Variants in RANBP2 observed in about 807,000 individuals in gnomAD.
The protein encoded by RANBP2 is RAN binding protein 2, also known as E3 SUMO-protein ligase RanBP2.
In RANBP2, 57 loss-of-function variants were observed where a neutral mutation model predicts 303.6. The observed-to-expected ratio is 0.19, with a 90% CI of 0.15 to 0.23. RANBP2 has a LOEUF of 0.23. Among genes scored for constraint, RANBP2 ranks in the 10% least tolerant of loss-of-function variants. RANBP2 has a pLI of 1.00. For synonymous variants in RANBP2, 1,167 were observed against 1,301.5 expected, an observed-to-expected ratio of 0.90 and a Z score of 2.23; for missense variants, 3,138 against 3,780.8, an observed-to-expected ratio of 0.83 and a Z score of 4.46.
chr2:108,881,806 A>C, the RANBP2 span, among the ~76,000 whole-genome samples: 1 of 152,204 alleles, frequency 6.6e-6, no homozygotes, highest in Non-Finnish European at 1.5e-5. Flanking sequence ...GCTGTCTTAC[A>C]TGGGTGTGGT....
chr2:109,245,820 TG>T, the RANBP2 span, among the ~76,000 whole-genome samples: 2 of 152,240 alleles, frequency 1.3e-5, no homozygotes, highest in Admixed American at 6.5e-5. Context: ...CAGATCTTTA[TG>T]GAGTTTGTAA....
the RANBP2 span, among the ~76,000 whole-genome samples, chr2:109,556,934 C>T: frequency 1.3e-5 from 2 of 152,046 alleles, no homozygotes; most frequent in African/African-American, 4.8e-5. Flanking sequence ...AAAAACCAAA[C>T]ATGGCATGTT....
rs1353193098 is a variant in RANBP2 at position 108,764,670 on chromosome 2, T to A, written c.4131T>A (p.Asn1377Lys). 1 of 1,613,836 alleles carries A rather than the reference T, an allele frequency of 6.2e-7. No individual in the cohort carries two copies. The highest frequency in any genetic ancestry group is 8.5e-7 in the Non-Finnish European group (1 of 1,179,964). Residue 1377 changes from asparagine to lysine, a missense_variant, in exon 20 of 29, where the codon AAT becomes AAA. Around this residue, in one of 20 missense-constraint regions of RANBP2, gnomAD observed 388 missense variants for 328.5 expected, o/e 1.18. Transcript: ENST00000283195. Reference sequence around the variant, plus strand: ...CTAAGAAATGTGTATCATGCCAAAATCTAAACCCAAGCAATAAAGAGCTCG... The same window carrying A: ...CTAAGAAATGTGTATCATGCCAAAAACTAAACCCAAGCAATAAAGAGCTCG... ...STAKKCVSCQ[N>K]LNPSNKELVG...
chr2:108,895,806 G>A, the RANBP2 span: 1 of 152,260 alleles, frequency 6.6e-6, no homozygotes, highest in Admixed American at 6.5e-5. Flanking sequence ...TTGCGCTGCA[G>A]AACTCCACTT....
the RANBP2 span, among the ~76,000 whole-genome samples, chr2:109,151,860 T>G: frequency 6.6e-6 from 1 of 152,268 alleles, no homozygotes; most frequent in Non-Finnish European, 1.5e-5. Flanking sequence ...TCCTATGATT[T>G]CCGAATTGTC....
the RANBP2 span, among the ~76,000 whole-genome samples, chr2:108,797,611 A>G: frequency 1.3e-5 from 2 of 152,178 alleles, no homozygotes. Context: ...GATAATCAGC[A>G]GAGCAGTCTT....
the RANBP2 span, among the ~76,000 whole-genome samples, chr2:108,917,949 G>T: frequency 6.6e-6 from 1 of 152,118 alleles, no homozygotes; most frequent in South Asian, 2.1e-4. Flanking sequence ...TGGAAAACAA[G>T]CACCTACTCT....
At chr2:109,087,060 C>T in the RANBP2 span, among the ~76,000 whole-genome samples, 1 of 152,180 alleles carries the variant, frequency 6.6e-6, no homozygotes, top group African/African-American at 2.4e-5. Context: ...CAAGTTGGGA[C>T]AGGGGACCCC....
chr2:109,485,453 T>G, the RANBP2 span, among the ~76,000 whole-genome samples: 2 of 152,276 alleles, frequency 1.3e-5, no homozygotes, highest in Non-Finnish European at 2.9e-5. Context: ...TAACTGGCAC[T>G]GAATCTTAAT....
rs770711060 is a variant in RANBP2, at chr2:108,771,854, G to T, written c.8003G>T (p.Ser2668Ile). The T allele has an allele frequency of 6.2e-6, 10 of 1,613,910 alleles. No homozygotes were observed. Among genetic ancestry groups the T allele is most frequent in the African/African-American group, 1.3e-5 (1 of 74,922 alleles). ...FCYKNRPDYV[S>I]EEEEDDEDFE... is the part of the protein sequence containing the mutation. ...TACAAGAATAGACCAGATTATGTTA[G>T]TGAAGAAGAGGAGGATGGTAAAACT... The change falls in exon 21 of 29, where the codon AGT becomes ATT. Residue 2668 changes from serine (S) to isoleucine (I), a missense_variant. Transcript: ENST00000283195.
At chr2:108,747,138 G>A (rs576976716) in intron 8 of RANBP2, among the ~76,000 whole-genome samples, 17 of 152,170 alleles carry the variant, frequency 1.1e-4, no homozygotes, top group Non-Finnish European at 2.2e-4. Context: ...TAAAAACACT[G>A]CTGTGGGGAT....
the RANBP2 span, among the ~76,000 whole-genome samples, chr2:109,153,923 A>G: frequency 2.6e-5 from 4 of 152,222 alleles, no homozygotes; most frequent in Non-Finnish European, 5.9e-5. Flanking sequence ...GGACAAAATG[A>G]AGTGCAATTA....
At chr2:109,441,960 A>T in the RANBP2 span, among the ~76,000 whole-genome samples, 5 of 152,054 alleles carry the variant, frequency 3.3e-5, 1 homozygote, top group Admixed American at 3.3e-4. Context: ...TTTCAAAAAA[A>T]AAGCAAAATA....
At chr2:109,034,950 AAAAAG>A in the RANBP2 span, among the ~76,000 whole-genome samples, 1 of 152,196 alleles carries the variant, frequency 6.6e-6, no homozygotes, top group Non-Finnish European at 1.5e-5. Flanking sequence ...CATTTAAAGA[AAAAAG>A]AAAAGGAGAC....
the RANBP2 span, among the ~76,000 whole-genome samples, chr2:109,467,196 G>A: frequency 2.0e-5 from 3 of 152,254 alleles, no homozygotes; most frequent in African/African-American, 4.8e-5. Flanking sequence ...GGGATCCGTA[G>A]CAGCTTTATT....
the RANBP2 span, among the ~76,000 whole-genome samples, chr2:108,991,867 C>T: frequency 1.4e-4 from 22 of 152,254 alleles, no homozygotes; most frequent in South Asian, 6.2e-4. Context: ...AGTGCAGTAG[C>T]GTGATCTTGG....
chr2:108,776,330 G>A (rs1333247175), intron 24 of RANBP2, among the ~76,000 whole-genome samples: 2 of 152,126 alleles, frequency 1.3e-5, no homozygotes, highest in African/African-American at 4.8e-5. Context: ...ACGGATTTAA[G>A]AAAGTTTTAT....
At chr2:108,973,232 C>T in the RANBP2 span, among the ~76,000 whole-genome samples, 2 of 152,222 alleles carry the variant, frequency 1.3e-5, no homozygotes, top group African/African-American at 2.4e-5. Flanking sequence ...AGGTGTTCTG[C>T]CTGCTTCGGC....
the RANBP2 span, among the ~76,000 whole-genome samples, chr2:108,957,612 G>T: frequency 3.9e-5 from 6 of 152,198 alleles, no homozygotes; most frequent in East Asian, 5.8e-4. Context: ...ATAAACGTGG[G>T]TTAAGAGTAG....
Sources: allele counts gnomAD v4.1 joint callset (sites outside exome capture counted in the v4.1 genomes callset), GRCh38; gene constraint gnomAD v4.1.1; regional missense constraint gnomAD v4.1.1; transcripts MANE v1.5; gene names NCBI Gene and HGNC (gene_info 2026-07-23, HGNC 2026-07-21).